The following C2CD5 variants were observed in gnomAD, a reference collection of about 807,000 sequenced individuals.
C2CD5 encodes the protein C2 domain-containing protein 5.
Under a neutral mutation model 130.3 loss-of-function variants are expected in C2CD5, and 109 were observed. The ratio of observed to expected loss-of-function variants is 0.84; its 90% CI spans 0.72 to 0.98. The LOEUF (loss-of-function observed/expected upper bound fraction) is 0.98. Among genes scored for constraint, C2CD5 ranks in the 50% least tolerant of loss-of-function variants. The pLI is 0.00. For synonymous variants in C2CD5, 454 were observed against 429.2 expected (o/e 1.06, Z -0.71); for missense variants, 996 against 1,261.8 (o/e 0.79, Z 3.19).
intron 10 of C2CD5, among the ~76,000 whole-genome samples, chr12:22,505,049 G>A (rs752341481): frequency 6.6e-6 from 1 of 152,008 alleles, no homozygotes; most frequent in Non-Finnish European, 1.5e-5. Context: ...ATCCTGACTC[G>A]CACTGTTTTT....
intron 8 of C2CD5, 48 bp from the exon 9 acceptor site, chr12:22,513,427 A>T: frequency 8.5e-7 from 1 of 1,169,738 alleles, no homozygotes; most frequent in Non-Finnish European, 1.3e-6. Context: ...CAACTATAGA[A>T]ACAAAGTTTA....
At chr12:22,469,628 G>T (rs1185242788) in intron 22 of C2CD5, 81 bp downstream of exon 22, 10 of 755,310 alleles carry the variant, frequency 1.3e-5, no homozygotes, top group Non-Finnish European at 2.1e-5. Context: ...CTCAAGGTTA[G>T]TAAGATTTCC....
chr12:22,472,322 A>G lies in C2CD5; in HGVS notation c.2133T>C (p.Ile711=). The change falls in exon 18 of 27, where the codon ATT becomes ATC. Residue 711 remains isoleucine (I), a synonymous_variant. Transcript: ENST00000446597. ...PSGFYSCNTE[I]MPGINNWTSE... ...AGGTCCAATTATTTATACCGGGCAT[A>G]ATTTCTGTATTACAACTATAAAAGC... 6.6e-7 allele frequency: 1 copy of G among 1,504,754 alleles called. No individual in the cohort carries two copies. The highest frequency in any genetic ancestry group is 1.2e-5 in the South Asian group (1 of 83,224). The allele number at this position is 1,504,754 out of a possible 1,614,324, so 93.2% of individuals were successfully genotyped here. A position where few individuals can be genotyped will look rare whatever the true frequency, so the allele number is the denominator to read the frequency against.
At chr12:22,530,113 C>CACAT (rs1951117334) in intron 3 of C2CD5, among the ~76,000 whole-genome samples, 1 of 51,476 alleles carries the variant, frequency 1.9e-5, no homozygotes, top group African/African-American at 7.8e-5. Flanking sequence ...TATATATATA[C>CACAT]ACACACACAC....
chr12:22,513,342 G>C lies in C2CD5; in HGVS notation c.990C>G (p.Pro330=). 1 of 1,612,438 alleles carries C rather than the reference G, an allele frequency of 6.2e-7. No homozygotes were observed. Among genetic ancestry groups the C allele is most frequent in the Non-Finnish European group, 8.5e-7 (1 of 1,178,672 alleles). Residue 330 remains proline, a synonymous_variant, in exon 9 of 27, where the codon CCC becomes CCG. Transcript: ENST00000446597. The part of the protein sequence containing the change: ...GSGSAGKEGG[P]FKALLRQQTQ... ...TCTGTTGTCTTAAAAGAGCTTTAAA[G>C]GGCCCCCCTTCTTTTCCAGCACTAC...
chr12:22,476,048 A>G (rs1254839623), intron 15 of C2CD5, among the ~76,000 whole-genome samples: 1 of 152,140 alleles, frequency 6.6e-6, no homozygotes, highest in East Asian at 1.9e-4. Context: ...CTGGTATTTA[A>G]TATGTTCTAG....
Position 22,482,740 on chromosome 12 carries a change from T to G in C2CD5, c.1554A>C (p.Leu518Phe). The part of the protein sequence containing the change: ...IGKGCLIQAR[L>F]CRLKKKAQAE... ...CCTGTGCTTTCTTTTTTAAGCGACA[T>G]AACCTGTAAAGGAAAATAAGTCAGT... Residue 518 changes from leucine to phenylalanine, a missense_variant, in exon 14 of 27, where the codon TTA becomes TTC. Leu to Phe is a conservative substitution (Grantham distance 22, BLOSUM62 0). This residue lies in a region of C2CD5 where 590 missense variants were observed against 631.4 expected (regional missense o/e 0.93). Coordinates refer to ENST00000446597, the MANE Select transcript of C2CD5 (RefSeq NM_001286176.2). The G allele has an allele frequency of 6.2e-7, 1 of 1,612,036 alleles. No individual in the cohort carries two copies. Among genetic ancestry groups the G allele is most frequent in the Non-Finnish European group, 8.5e-7 (1 of 1,178,412 alleles).
chr12:22,531,138 C>T (rs1256778067), intron 3 of C2CD5, among the ~76,000 whole-genome samples: 3 of 152,166 alleles, frequency 2.0e-5, no homozygotes, highest in Non-Finnish European at 4.4e-5. Flanking sequence ...AAGGAAGTTA[C>T]TCTGATTATT....
intron 3 of C2CD5, chr12:22,534,656 A>G (rs187799090): frequency 2.0e-5 from 3 of 152,446 alleles, no homozygotes; most frequent in Non-Finnish European, 4.4e-5. Flanking sequence ...ATGCTGAGTA[A>G]AAGAAAGCAG....
Position 22,472,763 on chromosome 12 carries a change from A to G in C2CD5, c.2088T>C (p.Thr696=). Residue 696 remains threonine (T), a synonymous_variant, in exon 17 of 27, where the codon ACT becomes ACC. Transcript: ENST00000446597. Reference sequence around the variant, plus strand: ...GTTCACCTGAAGGAGGAGGAACATCAGTAAGTAGAGAATGGACATCTTCCA... The same window carrying G: ...GTTCACCTGAAGGAGGAGGAACATCGGTAAGTAGAGAATGGACATCTTCCA... ...DAMEDVHSLL[T]DVPPPSGFYS... is the part of the protein sequence containing the mutation. The G allele has an allele frequency of 6.3e-7, 1 of 1,581,566 alleles. No individual in the cohort carries two copies. Among genetic ancestry groups the G allele is most frequent in the Non-Finnish European group, 8.7e-7 (1 of 1,150,840 alleles).
rs1478150248 is a variant in C2CD5 at position 22,517,987 on chromosome 12, A to G, written c.951T>C (p.Thr317=). The G allele has an allele frequency of 1.2e-6, 2 of 1,611,082 alleles. No homozygotes were observed. Among genetic ancestry groups the G allele is most frequent in the Non-Finnish European group, 1.7e-6 (2 of 1,178,610 alleles). The change falls in exon 8 of 27, where the codon ACT becomes ACC. Residue 317 remains threonine (T), a splice_region_variant and synonymous_variant. Coordinates refer to ENST00000446597, the MANE Select transcript of C2CD5 (RefSeq NM_001286176.2). ...SDTDLSLTPK[T]GMGSGSAGKE... Reference sequence around the variant, plus strand: ...AAAAGGTGGGTGGAAGCGCCTTACCAGTTTTGGGTGTCAAACTCAAATCTG... The same window carrying G: ...AAAAGGTGGGTGGAAGCGCCTTACCGGTTTTGGGTGTCAAACTCAAATCTG...
At chr12:22,476,566 T>C (rs976080492) in intron 15 of C2CD5, among the ~76,000 whole-genome samples, 3 of 152,244 alleles carry the variant, frequency 2.0e-5, no homozygotes, top group East Asian at 1.9e-4. Flanking sequence ...AAGTACTGAA[T>C]GGATGAAGTA....
intron 5 of C2CD5, among the ~76,000 whole-genome samples, chr12:22,525,139 T>C (rs12318233): frequency 0.039 from 5,899 of 152,228 alleles, 381 homozygotes; most frequent in African/African-American, 0.13. Context: ...CCTGAATACA[T>C]CTGTACCAAA....
At chr12:22,480,869 A>G (rs1019525297) in intron 14 of C2CD5, among the ~76,000 whole-genome samples, 3 of 152,080 alleles carry the variant, frequency 2.0e-5, no homozygotes. Flanking sequence ...CAGTGGCACA[A>G]TCACGGCTCA....
At chr12:22,454,421 A>G (rs1939364867) in intron 25 of C2CD5, among the ~76,000 whole-genome samples, 1 of 152,150 alleles carries the variant, frequency 6.6e-6, no homozygotes, top group African/African-American at 2.4e-5. Flanking sequence ...TGATAAGCCT[A>G]AACGATAAAA....
At chr12:22,472,210 A>G in intron 18 of C2CD5, 76 bp downstream of exon 18, 3 of 991,564 alleles carry the variant, frequency 3.0e-6, no homozygotes, top group Middle Eastern at 2.1e-4. Flanking sequence ...GTAAAAAAAA[A>G]AAGACAAATA....
At chr12:22,527,331 T>TATATATATA (rs577439968) in intron 4 of C2CD5, among the ~76,000 whole-genome samples, 4 of 117,710 alleles carry the variant, frequency 3.4e-5, no homozygotes, top group African/African-American at 1.0e-4. Flanking sequence ...TATATATATA[T>TATATATATA]TTTTTTTTTT....
In C2CD5 at chr12:22,449,701, G is replaced by T. The variant is rs951862533; in HGVS notation, c.*59C>A. ...TTTTAAGTCTAAGAAGATAATTAAT[G>T]ACAAAATAACAGAGATTGATGAATT... On this transcript the variant is annotated 3_prime_UTR_variant, in exon 27 of 27. Transcript: ENST00000446597. 1.4e-6 allele frequency: 2 copies of T among 1,440,654 alleles called. No homozygotes were observed. Among genetic ancestry groups the T allele is most frequent in the Non-Finnish European group, 1.9e-6 (2 of 1,041,748 alleles). 89.2% of individuals were successfully genotyped at this position (1,440,654 alleles called of 1,614,324 possible).
At chr12:22,453,324 G>T (rs943438929) in intron 26 of C2CD5, among the ~76,000 whole-genome samples, 2 of 152,112 alleles carry the variant, frequency 1.3e-5, no homozygotes, top group African/African-American at 4.8e-5. Context: ...AGCAGGTTGG[G>T]AAGAACTGCC....
Sources: gnomAD v4.1 joint callset for allele counts (sites outside exome capture counted in the v4.1 genomes callset) on GRCh38, gnomAD v4.1.1 for gene constraint, gnomAD v4.1.1 regional missense constraint, MANE v1.5 for transcripts, NCBI Gene and HGNC (gene_info 2026-07-23, HGNC 2026-07-21) for gene names.